The following STPG2 variants were observed in gnomAD, a reference collection of about 807,000 sequenced individuals.
STPG2 encodes the protein sperm tail PG-rich repeat containing 2.
A neutral mutation model predicts 54.2 loss-of-function variants in STPG2; 56 were observed. That is an observed-to-expected ratio of 1.03 (90% confidence interval 0.83 to 1.29). The LOEUF is 1.29. STPG2 is among the 50% of genes most tolerant of loss of function. The pLI, the probability that STPG2 is intolerant of heterozygous loss-of-function variation, is 0.00. For missense variants in STPG2, 596 were observed against 544.9 expected, an observed-to-expected ratio of 1.09 and a Z score of -0.93; for synonymous variants, 200 against 181.8, an observed-to-expected ratio of 1.10 and a Z score of -0.81.
chr4:97,930,945 C>A (rs911049081), intron 8 of STPG2, among the ~76,000 whole-genome samples: 1 of 152,060 alleles, frequency 6.6e-6, no homozygotes, highest in Non-Finnish European at 1.5e-5. Flanking sequence ...CTTTTTGTGG[C>A]CTTTGTGAAT....
intron 10 of STPG2, among the ~76,000 whole-genome samples, chr4:97,640,643 A>T (rs1045673248): frequency 7.9e-5 from 12 of 151,742 alleles, no homozygotes; most frequent in African/African-American, 2.9e-4. Flanking sequence ...CTTAGAAAAT[A>T]AAAGAGCCAA....
intron 3 of STPG2, among the ~76,000 whole-genome samples, chr4:98,118,014 A>G (rs935112605): frequency 2.0e-5 from 3 of 152,090 alleles, no homozygotes; most frequent in African/African-American, 7.2e-5. Flanking sequence ...GAAACCAGAT[A>G]TTTTGTATGA....
At chr4:98,023,484 A>T (rs1736301564) in intron 5 of STPG2, among the ~76,000 whole-genome samples, 1 of 152,182 alleles carries the variant, frequency 6.6e-6, no homozygotes, top group African/African-American at 2.4e-5. Flanking sequence ...GGGGTCAGGG[A>T]ACCACTTGAG....
intron 10 of STPG2, among the ~76,000 whole-genome samples, chr4:97,667,480 G>T (rs1722564362): frequency 6.6e-6 from 1 of 152,174 alleles, no homozygotes; most frequent in Admixed American, 6.5e-5. Flanking sequence ...GATTCCCAAA[G>T]TACTAATTTA....
chr4:97,806,631 C>T (rs1166961164), intron 9 of STPG2, among the ~76,000 whole-genome samples: 1 of 151,990 alleles, frequency 6.6e-6, no homozygotes, highest in Non-Finnish European at 1.5e-5. Flanking sequence ...GGAACTAGGT[C>T]GTGAGTGCAT....
chr4:97,619,911 C>T (rs1019175620), intron 10 of STPG2, among the ~76,000 whole-genome samples: 9 of 151,748 alleles, frequency 5.9e-5, no homozygotes, highest in South Asian at 2.1e-4. Context: ...GCAAGCTCCA[C>T]CTCCCGGGTT....
In STPG2 at chr4:98,114,866, G is replaced by A. The variant is rs551531260; in HGVS notation, c.388-5561C>T. ...AACTCATTAACCTCTGCGGTACTCA[G>A]GTAGATGTTGAATCAGAAATTTAAA... On this transcript the variant is annotated intron_variant, in intron 3 of 10. Transcript: ENST00000295268. 2.3e-4 allele frequency among the ~76,000 whole-genome samples: 35 copies of A among 151,658 alleles called. No homozygotes were observed. In the South Asian group the frequency reaches 7.1e-3, roughly 31 times the overall value.
chr4:97,971,128 G>A (rs1038799722), intron 7 of STPG2, among the ~76,000 whole-genome samples: 1 of 152,216 alleles, frequency 6.6e-6, no homozygotes, highest in African/African-American at 2.4e-5. Context: ...AGTTAGAATG[G>A]TGATCATTAA....
chr4:97,953,670 C>A (rs972585804), intron 7 of STPG2, among the ~76,000 whole-genome samples: 3 of 152,346 alleles, frequency 2.0e-5, no homozygotes, highest in South Asian at 2.1e-4. Context: ...TCAGTTCTAG[C>A]ACTGGGTAGA....
In STPG2 at chr4:97,467,413, A is replaced by T. The variant is rs143262033; in HGVS notation, c.462+245286T>A. ...TATAGAAAAAAAAATCCCAAGCATC[A>T]TCATTCAATACTAATGGCAAGAGTA... On this transcript the variant is annotated intron_variant, in intron 4 of 4. Transcript: ENST00000522676. Among the ~76,000 whole-genome samples the T allele has an allele frequency of 4.8e-3, 728 of 152,012 alleles. 3 individuals are homozygous for T. The highest frequency in any genetic ancestry group is 0.017 in the African/African-American group (690 of 41,544).
intron 5 of STPG2, among the ~76,000 whole-genome samples, chr4:98,005,305 C>T (rs1004256727): frequency 2.6e-5 from 4 of 152,106 alleles, no homozygotes; most frequent in African/African-American, 4.8e-5. Context: ...TTGGCAACAC[C>T]CTCACAGACA....
At chr4:97,488,814 T>C (rs560910744) in intron 4 of STPG2, among the ~76,000 whole-genome samples, 1 of 151,864 alleles carries the variant, frequency 6.6e-6, no homozygotes, top group African/African-American at 2.4e-5. Context: ...CTATGGTAAC[T>C]ACATGATGGT....
At chr4:97,795,592 T>C (rs909883029) in intron 9 of STPG2, among the ~76,000 whole-genome samples, 6 of 152,220 alleles carry the variant, frequency 3.9e-5, no homozygotes, top group African/African-American at 1.2e-4. Context: ...ATCCAGTCTA[T>C]CATACATTGA....
intron 8 of STPG2, among the ~76,000 whole-genome samples, chr4:97,842,302 C>A (rs1468417726): frequency 6.6e-6 from 1 of 151,740 alleles, no homozygotes; most frequent in Admixed American, 6.6e-5. Flanking sequence ...TTTTTGTCTG[C>A]ATCAAGAGTA....
At chr4:98,135,008 T>G (rs1281515330) in intron 1 of STPG2, among the ~76,000 whole-genome samples, 1 of 151,776 alleles carries the variant, frequency 6.6e-6, no homozygotes, top group Non-Finnish European at 1.5e-5. Flanking sequence ...CAAATTTCTT[T>G]GGAACAAGTA....
chr4:98,129,512 A>G (rs72892563), intron 2 of STPG2, among the ~76,000 whole-genome samples: 5,977 of 152,304 alleles, frequency 0.039, 388 homozygotes, highest in African/African-American at 0.14. Flanking sequence ...ATAAAGTCAC[A>G]TACATATATA....
intron 10 of STPG2, among the ~76,000 whole-genome samples, chr4:97,677,923 G>C (rs997412469): frequency 6.6e-6 from 1 of 152,066 alleles, no homozygotes; most frequent in Non-Finnish European, 1.5e-5. Flanking sequence ...TTCAAGATTA[G>C]GAGATTGTTG....
At chr4:97,642,895 C>A (rs1721804048) in intron 10 of STPG2, among the ~76,000 whole-genome samples, 1 of 151,318 alleles carries the variant, frequency 6.6e-6, no homozygotes, top group Non-Finnish European at 1.5e-5. Context: ...CCTTAGAGAA[C>A]AATTGCCAAA....
At chr4:97,743,180 G>A (rs1725321166) in intron 9 of STPG2, among the ~76,000 whole-genome samples, 3 of 151,670 alleles carry the variant, frequency 2.0e-5, no homozygotes. Flanking sequence ...TGTCAAGAGC[G>A]AAGATCTGGA....
Sources: allele counts gnomAD v4.1 joint callset (sites outside exome capture counted in the v4.1 genomes callset), GRCh38; gene constraint gnomAD v4.1.1; transcripts MANE v1.5; gene names NCBI Gene and HGNC (gene_info 2026-07-23, HGNC 2026-07-21).